The following PTCHD4 variants were observed in gnomAD, a reference collection of about 807,000 sequenced individuals.
The protein encoded by PTCHD4 is patched domain-containing protein 4.
A neutral mutation model predicts 58.1 loss-of-function variants in PTCHD4; 33 were observed. The observed-to-expected ratio is 0.57, with a 90% CI of 0.43 to 0.76. The LOEUF is 0.76. Ranked by LOEUF, PTCHD4 falls within the 30% of genes least tolerant of loss-of-function variation. PTCHD4 has a pLI of 0.00. For synonymous variants in PTCHD4, 478 were observed against 409.6 expected (o/e 1.17, Z -2.02); for missense variants, 1,058 against 1,027.1 (o/e 1.03, Z -0.41).
At position 47,878,414 on chromosome 6, in the gene PTCHD4, G is replaced by A; in HGVS notation, c.2421C>T (p.Phe807=). 1 of 1,613,432 alleles carries A rather than the reference G, an allele frequency of 6.2e-7. No homozygotes were observed. Among genetic ancestry groups the A allele is most frequent in the South Asian group, 1.1e-5 (1 of 91,054 alleles). The change falls in exon 5 of 5, where the codon TTC becomes TTT. Residue 807 remains phenylalanine (F), a synonymous_variant. Coordinates refer to ENST00000339488, the MANE Select transcript of PTCHD4 (RefSeq NM_001384253.1). ...TCTTGTGGTGCTTTTTGGAAGGGGG[G>A]AAAAACGTTAGGAACACAGGTAAAA... The part of the protein sequence containing the change: ...FVILPVFLTF[F]PPSKKHHKKK...
Position 47,857,222 on chromosome 6 carries a change from A to G in PTCHD4, c.*21081T>C, listed in dbSNP as rs1360603561. On this transcript the variant is annotated 3_prime_UTR_variant, in exon 5 of 5. Coordinates refer to ENST00000339488, the MANE Select transcript of PTCHD4 (RefSeq NM_001384253.1). ...AGTGCTGCTAACTGTGTGCTGGTGTATTGTGCTGCCTATGGGAAATGGTGT... is the reference window on the plus strand; with the variant it reads ...AGTGCTGCTAACTGTGTGCTGGTGTGTTGTGCTGCCTATGGGAAATGGTGT... 1.3e-5 allele frequency among the ~76,000 whole-genome samples: 2 copies of G among 152,008 alleles called. No individual in the cohort carries two copies. The highest frequency in any genetic ancestry group is 4.8e-5 in the African/African-American group (2 of 41,396).
At chr6:48,043,219 A>G (rs933354137) in intron 3 of PTCHD4, among the ~76,000 whole-genome samples, 4 of 151,874 alleles carry the variant, frequency 2.6e-5, no homozygotes, top group Non-Finnish European at 4.4e-5. Flanking sequence ...ACACAAAAGT[A>G]TTTCAGTAAA....
intron 4 of PTCHD4, among the ~76,000 whole-genome samples, chr6:48,001,962 C>G (rs1768739915): frequency 6.6e-6 from 1 of 152,228 alleles, no homozygotes; most frequent in African/African-American, 2.4e-5. Flanking sequence ...TATGAACAGA[C>G]ACTTGTCAAA....
At chr6:47,969,506 T>C (rs1212088360) in intron 4 of PTCHD4, among the ~76,000 whole-genome samples, 1 of 152,190 alleles carries the variant, frequency 6.6e-6, no homozygotes, top group Non-Finnish European at 1.5e-5. Flanking sequence ...ATCATATATA[T>C]GTTCCTATAG....
intron 3 of PTCHD4, among the ~76,000 whole-genome samples, chr6:48,045,594 C>G (rs925397597): frequency 6.6e-6 from 1 of 151,780 alleles, no homozygotes; most frequent in African/African-American, 2.4e-5. Flanking sequence ...GTTGTAGACA[C>G]TGAAAAGCAT....
chr6:48,066,107 T>A (rs1764786555), intron 3 of PTCHD4, among the ~76,000 whole-genome samples: 1 of 151,996 alleles, frequency 6.6e-6, no homozygotes, highest in Admixed American at 6.6e-5. Flanking sequence ...TACTTTTTTT[T>A]TTTTTTTTGA....
At chr6:48,014,111 G>T (rs1762787426) in intron 3 of PTCHD4, among the ~76,000 whole-genome samples, 1 of 151,940 alleles carries the variant, frequency 6.6e-6, no homozygotes, top group African/African-American at 2.4e-5. Flanking sequence ...CAAATAGAAA[G>T]AATTTCTTAC....
At chr6:47,938,810 G>A (rs1332851034) in intron 4 of PTCHD4, among the ~76,000 whole-genome samples, 1 of 152,168 alleles carries the variant, frequency 6.6e-6, no homozygotes, top group Non-Finnish European at 1.5e-5. Flanking sequence ...GAGGGTCAAA[G>A]TGTTCAGAAT....
intron 3 of PTCHD4, among the ~76,000 whole-genome samples, chr6:48,020,197 G>A (rs1763015679): frequency 6.6e-6 from 1 of 152,086 alleles, no homozygotes. Flanking sequence ...ATAGGGCATG[G>A]CATGATTTTT....
At chr6:48,106,163 G>C (rs914112187) in intron 1 of PTCHD4, among the ~76,000 whole-genome samples, 1 of 152,122 alleles carries the variant, frequency 6.6e-6, no homozygotes, top group Non-Finnish European at 1.5e-5. Flanking sequence ...GAGAATTTTA[G>C]ACCAATATCC....
intron 4 of PTCHD4, among the ~76,000 whole-genome samples, chr6:47,957,894 G>T (rs535745415): frequency 6.6e-6 from 1 of 151,974 alleles, no homozygotes; most frequent in Non-Finnish European, 1.5e-5. Flanking sequence ...GTGAGCCACC[G>T]CGCCCGGCCA....
At chr6:47,909,930 GT>G (rs1254054589) in intron 4 of PTCHD4, among the ~76,000 whole-genome samples, 2 of 152,106 alleles carry the variant, frequency 1.3e-5, no homozygotes, top group Non-Finnish European at 2.9e-5. Context: ...TCTCTCCAAT[GT>G]TTTTGGGAAA....
intron 3 of PTCHD4, among the ~76,000 whole-genome samples, chr6:48,031,935 T>C (rs1582049791): frequency 6.6e-6 from 1 of 152,156 alleles, no homozygotes; most frequent in South Asian, 2.1e-4. Flanking sequence ...CCTAAAACAC[T>C]GAATTCCCTC....
intron 1 of PTCHD4, among the ~76,000 whole-genome samples, chr6:48,095,655 C>T (rs1765453246): frequency 1.3e-5 from 2 of 151,502 alleles, no homozygotes; most frequent in Non-Finnish European, 2.9e-5. Context: ...CGCCACTGCA[C>T]TCCAGCCTAG....
intron 4 of PTCHD4, among the ~76,000 whole-genome samples, chr6:47,968,607 C>T (rs11757300): frequency 6.6e-6 from 1 of 152,172 alleles, no homozygotes; most frequent in Non-Finnish European, 1.5e-5. Context: ...GCCTAATGAA[C>T]TAGGTGCTTT....
chr6:47,887,420 C>T (rs1764226929), intron 4 of PTCHD4, among the ~76,000 whole-genome samples: 1 of 152,032 alleles, frequency 6.6e-6, no homozygotes, highest in Non-Finnish European at 1.5e-5. Context: ...TTATTTGCCT[C>T]ATTTTACTGA....
At chr6:48,056,698 C>G (rs1191983320) in intron 3 of PTCHD4, among the ~76,000 whole-genome samples, 1 of 152,156 alleles carries the variant, frequency 6.6e-6, no homozygotes, top group South Asian at 2.1e-4. Context: ...CCCTTGCAGA[C>G]CTTCACCTAT....
At chr6:47,890,052 T>C (rs1056753454) in intron 4 of PTCHD4, among the ~76,000 whole-genome samples, 2 of 150,090 alleles carry the variant, frequency 1.3e-5, no homozygotes, top group Non-Finnish European at 3.0e-5. Flanking sequence ...TATATGTGTG[T>C]GTGTGTGTGT....
rs1258313055 is a variant in PTCHD4, at chr6:47,869,482, G to A, written c.*8821C>T. On this transcript the variant is annotated 3_prime_UTR_variant, in exon 5 of 5. Coordinates refer to ENST00000339488, the MANE Select transcript of PTCHD4 (RefSeq NM_001384253.1). ...TTATTTGACCCGATTATAAATTGCT[G>A]TAGATTTGAAGGTAACATAATTATT... 1.3e-5 allele frequency among the ~76,000 whole-genome samples: 2 copies of A among 151,656 alleles called. No homozygotes were observed. The highest frequency in any genetic ancestry group is 4.8e-5 in the African/African-American group (2 of 41,360).
Sources: gnomAD v4.1 joint callset for allele counts (sites outside exome capture counted in the v4.1 genomes callset) on GRCh38, gnomAD v4.1.1 for gene constraint, MANE v1.5 for transcripts, NCBI Gene and HGNC (gene_info 2026-07-23, HGNC 2026-07-21) for gene names.